The following ZBTB20 variants were observed in gnomAD, a reference collection of about 807,000 sequenced individuals.
ZBTB20 encodes zinc finger and BTB domain containing 20.
Under a neutral mutation model 56.9 loss-of-function variants are expected in ZBTB20, and 9 were observed. The ratio of observed to expected loss-of-function variants is 0.16; its 90% CI spans 0.10 to 0.28. The LOEUF (loss-of-function observed/expected upper bound fraction) is 0.28, where lower values mean the gene tolerates loss of function less well. Ranked by LOEUF, ZBTB20 falls within the 10% of genes least tolerant of loss-of-function variation. ZBTB20 has a pLI of 1.00. For synonymous variants in ZBTB20, 417 were observed against 420.7 expected, an observed-to-expected ratio of 0.99 and a Z score of 0.11; for missense variants, 655 against 1,003.0, an observed-to-expected ratio of 0.65 and a Z score of 4.69.
At chr3:114,475,897 T>A (rs547985370) in intron 7 of ZBTB20, among the ~76,000 whole-genome samples, 1 of 152,306 alleles carries the variant, frequency 6.6e-6, no homozygotes, top group South Asian at 2.1e-4. Flanking sequence ...ATATTCTTTT[T>A]TTTGAGATGG....
chr3:114,369,739 C>T (rs1281152333), intron 10 of ZBTB20, among the ~76,000 whole-genome samples: 1 of 152,162 alleles, frequency 6.6e-6, no homozygotes, highest in Admixed American at 6.5e-5. Context: ...GAGAACAACA[C>T]ATAGGTTTGT....
At chr3:114,641,231 G>A (rs574304635) in intron 6 of ZBTB20, among the ~76,000 whole-genome samples, 2 of 151,936 alleles carry the variant, frequency 1.3e-5, no homozygotes, top group Non-Finnish European at 2.9e-5. Context: ...CAAGCATGTT[G>A]TAGCAAGGGT....
intron 1 of ZBTB20, among the ~76,000 whole-genome samples, chr3:115,140,165 G>A (rs377526524): frequency 6.6e-6 from 1 of 151,872 alleles, no homozygotes; most frequent in African/African-American, 2.4e-5. Flanking sequence ...GTGGAGATCC[G>A]CATAGATTAT....
chr3:114,812,483 GTGTA>G (rs1209177413), intron 4 of ZBTB20, among the ~76,000 whole-genome samples: 1 of 152,090 alleles, frequency 6.6e-6, no homozygotes, highest in Non-Finnish European at 1.5e-5. Context: ...GTGCCGATTG[GTGTA>G]TTTACAATCC....
At chr3:115,011,879 G>A (rs980922798) in intron 2 of ZBTB20, among the ~76,000 whole-genome samples, 1 of 151,686 alleles carries the variant, frequency 6.6e-6, no homozygotes, top group African/African-American at 2.4e-5. Flanking sequence ...TAAGATACAA[G>A]TACAAATAAT....
intron 2 of ZBTB20, among the ~76,000 whole-genome samples, chr3:114,998,714 G>A (rs2079123768): frequency 6.6e-6 from 1 of 151,620 alleles, no homozygotes; most frequent in African/African-American, 2.4e-5. Context: ...GGATATCTGG[G>A]TTGGTGGTAA....
intron 7 of ZBTB20, chr3:114,454,843 A>C (rs2091902309): frequency 6.6e-6 from 1 of 151,738 alleles, no homozygotes; most frequent in Non-Finnish European, 1.5e-5. Context: ...CCCTGGAGGC[A>C]CTGGGTCAGC....
Position 115,044,124 on chromosome 3 carries a change from A to G in ZBTB20, c.-507+27095T>C, listed in dbSNP as rs550797722. Reference sequence around the variant, plus strand: ...GCACCATGCTTCCTGTACAGCCTGCAGAACTATGAGCCAATTAAACCTCTT... The same window carrying G: ...GCACCATGCTTCCTGTACAGCCTGCGGAACTATGAGCCAATTAAACCTCTT... On this transcript the variant is annotated intron_variant, in intron 2 of 11. Coordinates refer to ENST00000675478, the MANE Select transcript of ZBTB20 (RefSeq NM_001348800.3). Among the ~76,000 whole-genome samples, 29 of 152,314 alleles carry G rather than the reference A, an allele frequency of 1.9e-4. No individual in the cohort carries two copies. In the South Asian group the frequency reaches 5.0e-3, roughly 26 times the overall value.
chr3:115,023,520 C>T (rs1475789464), intron 2 of ZBTB20, among the ~76,000 whole-genome samples: 1 of 150,886 alleles, frequency 6.6e-6, no homozygotes, highest in Non-Finnish European at 1.5e-5. Flanking sequence ...GCTATCCCCT[C>T]TCGTAGTCAT....
intron 5 of ZBTB20, among the ~76,000 whole-genome samples, chr3:114,755,023 T>C (rs1415417651): frequency 6.6e-6 from 1 of 152,202 alleles, no homozygotes; most frequent in Non-Finnish European, 1.5e-5. Flanking sequence ...TTTCCTAAAC[T>C]GCAGATCCAG....
In ZBTB20 at chr3:114,323,764, G is replaced by C. The variant is rs2078975000; in HGVS notation, c.*15241C>G. 6.6e-6 allele frequency: 1 copy of C among 152,196 alleles called. No homozygotes were observed. Among genetic ancestry groups the C allele is most frequent in the Non-Finnish European group, 1.5e-5 (1 of 68,030 alleles). 9.4% of individuals were successfully genotyped at this position (152,196 alleles called of 1,614,324 possible). A position where few individuals can be genotyped will look rare whatever the true frequency, so the allele number is the denominator to read the frequency against. ...TATCAGCATGGTGGTTCCTAGGCCT[G>C]ATCAAGAGTTGACAGAGATTCCACA... On this transcript the variant is annotated 3_prime_UTR_variant, in exon 12 of 12. Transcript: ENST00000675478.
Position 114,331,989 on chromosome 3 carries a change from T to C in ZBTB20, c.*7016A>G, listed in dbSNP as rs1279190878. On this transcript the variant is annotated 3_prime_UTR_variant, in exon 12 of 12. Coordinates refer to ENST00000675478, the MANE Select transcript of ZBTB20 (RefSeq NM_001348800.3). ...GACTCTTTCATTATTAGAATCTACA[T>C]ATAAATTGCAATGAGTTTGCTGGGT... The C allele has an allele frequency of 5.3e-5, 8 of 150,996 alleles. No homozygotes were observed. Among genetic ancestry groups the C allele is most frequent in the Non-Finnish European group, 2.9e-5 (2 of 67,830 alleles). 9.4% of individuals were successfully genotyped at this position (150,996 alleles called of 1,614,324 possible).
At chr3:114,728,587 T>C (rs1406828050) in intron 5 of ZBTB20, among the ~76,000 whole-genome samples, 2 of 152,216 alleles carry the variant, frequency 1.3e-5, no homozygotes, top group Non-Finnish European at 2.9e-5. Context: ...AAACTCTCAG[T>C]TGTAACCATC....
intron 10 of ZBTB20, among the ~76,000 whole-genome samples, chr3:114,355,457 G>C (rs2081148770): frequency 6.6e-6 from 1 of 152,194 alleles, no homozygotes; most frequent in Non-Finnish European, 1.5e-5. Flanking sequence ...AATCGTTTTT[G>C]CTGATATGAG....
At chr3:114,544,935 C>A (rs973412978) in intron 6 of ZBTB20, among the ~76,000 whole-genome samples, 10 of 152,154 alleles carry the variant, frequency 6.6e-5, no homozygotes, top group African/African-American at 2.4e-4. Context: ...TTTACTCCAA[C>A]AATAAATCTA....
intron 4 of ZBTB20, among the ~76,000 whole-genome samples, chr3:114,832,351 G>A (rs1439840506): frequency 6.6e-6 from 1 of 151,862 alleles, no homozygotes; most frequent in Non-Finnish European, 1.5e-5. Context: ...TTGATATATA[G>A]AACATTTAGC....
At chr3:115,096,993 T>C (rs1340251357) in intron 1 of ZBTB20, among the ~76,000 whole-genome samples, 2 of 152,212 alleles carry the variant, frequency 1.3e-5, no homozygotes, top group African/African-American at 4.8e-5. Context: ...GATAAAAATG[T>C]GCAGAATAAA....
chr3:114,719,304 A>G (rs532204439), intron 5 of ZBTB20, among the ~76,000 whole-genome samples: 2 of 152,140 alleles, frequency 1.3e-5, no homozygotes, highest in African/African-American at 4.8e-5. Context: ...TCATGGAGAT[A>G]TGAATCCATT....
At chr3:114,367,122 C>G (rs891087287) in intron 10 of ZBTB20, 2 of 152,226 alleles carry the variant, frequency 1.3e-5, no homozygotes, top group Admixed American at 1.3e-4. Flanking sequence ...TCGGGTATCC[C>G]GGCTGGAAGG....
Sources: gnomAD v4.1 joint callset for allele counts (sites outside exome capture counted in the v4.1 genomes callset) on GRCh38, gnomAD v4.1.1 for gene constraint, MANE v1.5 for transcripts, NCBI Gene and HGNC (gene_info 2026-07-23, HGNC 2026-07-21) for gene names.